Variants in UNC13C observed in about 807,000 individuals in gnomAD.
The protein encoded by UNC13C is unc-13 homolog C.
Under a neutral mutation model 245.4 loss-of-function variants are expected in UNC13C, and 174 were observed. That is an observed-to-expected ratio of 0.71 (90% confidence interval 0.63 to 0.80). The LOEUF (loss-of-function observed/expected upper bound fraction) is 0.80. Among genes scored for constraint, UNC13C ranks in the 30% least tolerant of loss-of-function variants. UNC13C has a pLI of 0.00. For missense variants in UNC13C, 2,829 were observed against 2,602.9 expected (o/e 1.09, Z -1.89); for synonymous variants, 992 against 895.1 (o/e 1.11, Z -1.93).
At chr15:53,852,163 A>G in the UNC13C span, among the ~76,000 whole-genome samples, 1 of 152,102 alleles carries the variant, frequency 6.6e-6, no homozygotes, top group Non-Finnish European at 1.5e-5. Context: ...CCAGGAAGAT[A>G]TTGTCAGATT....
At chr15:53,988,688 G>A (rs2565209) in intron 1 of UNC13C, among the ~76,000 whole-genome samples, 73,520 of 151,682 alleles carry the variant, frequency 0.48, 20,109 homozygotes, top group South Asian at 0.65. Flanking sequence ...GTAAGGGGCA[G>A]GGCTATTGTT....
chr15:54,024,631 T>A (rs541413804), intron 2 of UNC13C, among the ~76,000 whole-genome samples: 1 of 152,178 alleles, frequency 6.6e-6, no homozygotes, highest in East Asian at 1.9e-4. Context: ...AAAAATATGC[T>A]ATGAATGCCG....
intron 2 of UNC13C, among the ~76,000 whole-genome samples, chr15:54,092,075 A>G (rs1025366432): frequency 2.6e-5 from 4 of 152,190 alleles, no homozygotes; most frequent in African/African-American, 9.7e-5. Flanking sequence ...GAGGATTGTT[A>G]CTATCTTCTT....
chr15:53,960,035 T>C, the UNC13C span, among the ~76,000 whole-genome samples: 1 of 152,156 alleles, frequency 6.6e-6, no homozygotes, highest in Non-Finnish European at 1.5e-5. Flanking sequence ...CAGTTAAAAA[T>C]AACAGTGAGA....
At chr15:53,988,456 G>GC (rs1894241982) in intron 1 of UNC13C, among the ~76,000 whole-genome samples, 2 of 151,824 alleles carry the variant, frequency 1.3e-5, no homozygotes, top group South Asian at 4.1e-4. Context: ...TATTTAAGAA[G>GC]CCTTTGGGTA....
intron 18 of UNC13C, among the ~76,000 whole-genome samples, chr15:54,397,335 A>G (rs1465537995): frequency 1.3e-5 from 2 of 151,494 alleles, no homozygotes; most frequent in East Asian, 1.9e-4. Flanking sequence ...AATTGACTGT[A>G]TATGTAAGAG....
rs189111091 is a variant in UNC13C, at chr15:54,438,735, C to G, written c.4933+23668C>G. Among the ~76,000 whole-genome samples the G allele has an allele frequency of 3.5e-4, 53 of 151,970 alleles. No homozygotes were observed. In the East Asian group the frequency reaches 6.4e-3, roughly 18 times the overall value. On this transcript the variant is annotated intron_variant, in intron 19 of 32. Transcript: ENST00000260323. ...TGAGGAAATATTTCTAGAATCCCACCAGCACATCAAGAATTTATCCTCTCC... is the reference window on the plus strand; with the variant it reads ...TGAGGAAATATTTCTAGAATCCCACGAGCACATCAAGAATTTATCCTCTCC...
At chr15:54,048,364 G>C (rs542245650) in intron 2 of UNC13C, among the ~76,000 whole-genome samples, 1 of 152,236 alleles carries the variant, frequency 6.6e-6, no homozygotes, top group Non-Finnish European at 1.5e-5. Context: ...TTGACAGTAA[G>C]CAACAACCGT....
rs561951668 is a variant in UNC13C, at chr15:54,282,910, T to C, written c.3819-10985T>C. On this transcript the variant is annotated intron_variant, in intron 10 of 32. Transcript: ENST00000260323. ...GTCAGGCCGTCTCTCCTCTACTGAC[T>C]GAATCTGGGGTCTTTATAGGCACAG... Among the ~76,000 whole-genome samples, 65 of 152,264 alleles carry C rather than the reference T, an allele frequency of 4.3e-4. 1 individual carries two copies. The highest frequency in any genetic ancestry group is 1.5e-3 in the African/African-American group (63 of 41,556).
intron 2 of UNC13C, among the ~76,000 whole-genome samples, chr15:54,030,627 A>T (rs1019224567): frequency 6.6e-6 from 1 of 152,218 alleles, no homozygotes; most frequent in Non-Finnish European, 1.5e-5. Context: ...TGCTATAACA[A>T]AATATCTGAG....
At chr15:54,235,501 C>G (rs1473091270) in intron 5 of UNC13C, among the ~76,000 whole-genome samples, 1 of 152,104 alleles carries the variant, frequency 6.6e-6, no homozygotes, top group Non-Finnish European at 1.5e-5. Flanking sequence ...GACCTGAATA[C>G]TTTATACAGC....
chr15:54,128,102 G>A (rs1163534368), intron 2 of UNC13C, among the ~76,000 whole-genome samples: 1 of 152,062 alleles, frequency 6.6e-6, no homozygotes, highest in Admixed American at 6.6e-5. Flanking sequence ...AATGTCAGCA[G>A]CATTTCTATA....
At chr15:53,926,160 A>T in the UNC13C span, among the ~76,000 whole-genome samples, 1 of 152,112 alleles carries the variant, frequency 6.6e-6, no homozygotes, top group Admixed American at 6.5e-5. Flanking sequence ...CATAGACATT[A>T]AAGCAGAGGT....
intron 19 of UNC13C, chr15:54,416,902 C>A: frequency 2.2e-6 from 1 of 456,520 alleles, no homozygotes; most frequent in Non-Finnish European, 4.4e-6. Flanking sequence ...TTTATTCCTG[C>A]ATGAGGGATT....
intron 19 of UNC13C, among the ~76,000 whole-genome samples, chr15:54,480,927 G>A (rs1042292488): frequency 2.6e-5 from 4 of 152,206 alleles, no homozygotes; most frequent in Admixed American, 1.3e-4. Context: ...TTTCTCAGCA[G>A]AGGGGATGTC....
At chr15:54,038,116 A>ATTTTTTT (rs1315947594) in intron 2 of UNC13C, among the ~76,000 whole-genome samples, 380 of 22,470 alleles carry the variant, frequency 0.017, 3 homozygotes, top group Non-Finnish European at 0.023. Context: ...ATATATATAT[A>ATTTTTTT]TATATATATT....
chr15:53,959,214 C>T, the UNC13C span, among the ~76,000 whole-genome samples: 1 of 151,822 alleles, frequency 6.6e-6, no homozygotes, highest in East Asian at 1.9e-4. Context: ...AGGTTGATTC[C>T]ATATTTTGGC....
chr15:53,957,676 C>A, the UNC13C span, among the ~76,000 whole-genome samples: 1 of 152,114 alleles, frequency 6.6e-6, no homozygotes, highest in African/African-American at 2.4e-5. Context: ...GATATAAGTA[C>A]CAATTTCTGT....
chr15:53,862,837 G>A, the UNC13C span, among the ~76,000 whole-genome samples: 2 of 152,070 alleles, frequency 1.3e-5, no homozygotes, highest in African/African-American at 4.8e-5. Flanking sequence ...TAGGGCTCCA[G>A]CATATGATTT....
Sources: gnomAD v4.1 joint callset for allele counts (sites outside exome capture counted in the v4.1 genomes callset) on GRCh38, gnomAD v4.1.1 for gene constraint, MANE v1.5 for transcripts, NCBI Gene and HGNC (gene_info 2026-07-23, HGNC 2026-07-21) for gene names.